The following CPQ variants were observed in gnomAD, a reference collection of about 807,000 sequenced individuals.
CPQ encodes Ser-Met dipeptidase.
In CPQ, 37 loss-of-function variants were observed where a neutral mutation model predicts 45.7. The observed-to-expected ratio is 0.81, with a 90% CI of 0.62 to 1.07. CPQ has a LOEUF of 1.07. CPQ is among the 50% of genes least tolerant of loss of function. CPQ has a pLI of 0.00. For synonymous variants in CPQ, 186 were observed against 205.8 expected, an observed-to-expected ratio of 0.90 and a Z score of 0.82; for missense variants, 537 against 572.9, an observed-to-expected ratio of 0.94 and a Z score of 0.64.
intron 5 of CPQ, among the ~76,000 whole-genome samples, chr8:96,990,825 C>G (rs1044037803): frequency 6.6e-6 from 1 of 152,146 alleles, no homozygotes. Context: ...CAGGTGACCC[C>G]TAGGAAAACC....
chr8:97,100,426 G>C (rs1294558808), intron 7 of CPQ, among the ~76,000 whole-genome samples: 1 of 152,148 alleles, frequency 6.6e-6, no homozygotes, highest in Non-Finnish European at 1.5e-5. Context: ...AAGTAACACA[G>C]GAGGTAATGA....
rs148019918 is a variant in CPQ at position 97,082,352 on chromosome 8, T to C, written c.1255+16142T>C. ...AAAAAATTCATCCTATCTGACCCGG[T>C]TGGAAAAGTTACAGTGACCCAGCCT... is the stretch of plus-strand genomic sequence containing the variant. On this transcript the variant is annotated intron_variant, in intron 7 of 7. Transcript: ENST00000220763. 4.8e-3 allele frequency among the ~76,000 whole-genome samples: 733 copies of C among 151,920 alleles called. 11 individuals are homozygous for C. Among genetic ancestry groups the C allele is most frequent in the African/African-American group, 0.017 (702 of 41,502 alleles).
At chr8:96,732,594 T>A (rs1809926383) in intron 1 of CPQ, among the ~76,000 whole-genome samples, 1 of 152,108 alleles carries the variant, frequency 6.6e-6, no homozygotes, top group Non-Finnish European at 1.5e-5. Context: ...AAGATTTCCA[T>A]TCTTAATAGA....
chr8:96,960,261 C>G (rs1209281462), intron 4 of CPQ, among the ~76,000 whole-genome samples: 1 of 152,036 alleles, frequency 6.6e-6, no homozygotes, highest in Non-Finnish European at 1.5e-5. Context: ...TATATTTGAT[C>G]TCTAGTTAGT....
At chr8:96,790,367 C>G (rs1485291990) in intron 2 of CPQ, among the ~76,000 whole-genome samples, 12 of 152,070 alleles carry the variant, frequency 7.9e-5, no homozygotes, top group Non-Finnish European at 1.2e-4. Flanking sequence ...GGACCACCTC[C>G]TATGAGTGAG....
In CPQ at chr8:96,755,628, T is replaced by G. The variant is rs577200768; in HGVS notation, c.-34-29236T>G. On this transcript the variant is annotated intron_variant, in intron 1 of 7. Coordinates refer to ENST00000220763, the MANE Select transcript of CPQ (RefSeq NM_016134.4). ...ATATTTTATGAAATATTTTAAAATT[T>G]ATAATCTTCAAAGGGCACAAAGTAT... 9.2e-5 allele frequency among the ~76,000 whole-genome samples: 14 copies of G among 151,968 alleles called. No homozygotes were observed. The South Asian group carries it at 2.9e-3, about 31-fold the overall frequency.
At chr8:96,953,362 G>A (rs539773604) in intron 4 of CPQ, among the ~76,000 whole-genome samples, 1 of 152,164 alleles carries the variant, frequency 6.6e-6, no homozygotes, top group South Asian at 2.1e-4. Flanking sequence ...CTGTTCCCTT[G>A]TGGGACTGCT....
chr8:96,946,453 C>CT (rs1813189754), intron 4 of CPQ, among the ~76,000 whole-genome samples: 1 of 107,518 alleles, frequency 9.3e-6, no homozygotes, highest in Non-Finnish European at 1.7e-5. Flanking sequence ...CTTTAATTTT[C>CT]TATTTTTTTA....
intron 7 of CPQ, among the ~76,000 whole-genome samples, chr8:97,123,947 C>A (rs957334289): frequency 2.0e-5 from 3 of 151,926 alleles, no homozygotes; most frequent in African/African-American, 7.3e-5. Context: ...ATAATCTATT[C>A]ATCAATAAGA....
At position 96,895,091 on chromosome 8, in the gene CPQ, T is replaced by C. The variant is rs557992425; in HGVS notation, c.849+15086T>C. On this transcript the variant is annotated intron_variant, in intron 4 of 7. Transcript: ENST00000220763. ...GATAGGCCCATAAAACAACCCTTTA[T>C]GGTTGCAAAAATCACTTTGCATCCC... 3.3e-5 allele frequency among the ~76,000 whole-genome samples: 5 copies of C among 152,284 alleles called. No individual in the cohort carries two copies. The South Asian group carries it at 8.3e-4, about 25-fold the overall frequency.
chr8:96,899,513 C>A (rs1046823910), intron 4 of CPQ, among the ~76,000 whole-genome samples: 1 of 152,082 alleles, frequency 6.6e-6, no homozygotes, highest in Non-Finnish European at 1.5e-5. Flanking sequence ...GACATCTGCT[C>A]GGCTTCTGGG....
At chr8:96,816,612 A>G (rs568787525) in intron 2 of CPQ, among the ~76,000 whole-genome samples, 11 of 152,288 alleles carry the variant, frequency 7.2e-5, no homozygotes, top group Admixed American at 1.3e-4. Context: ...AGGAATCACA[A>G]TCTATGGCAG....
At chr8:96,737,421 C>T (rs931580046) in intron 1 of CPQ, among the ~76,000 whole-genome samples, 19 of 148,322 alleles carry the variant, frequency 1.3e-4, no homozygotes, top group Non-Finnish European at 1.6e-4. Flanking sequence ...AATAGGCTGT[C>T]TGCAAGGGGA....
intron 6 of CPQ, among the ~76,000 whole-genome samples, chr8:97,065,512 T>G (rs1016613349): frequency 2.0e-5 from 3 of 152,154 alleles, no homozygotes; most frequent in Non-Finnish European, 4.4e-5. Context: ...ACCTGTCAGC[T>G]TGATGCCTTT....
chr8:96,878,910 T>C lies in CPQ; in HGVS notation c.642-888T>C, dbSNP rs577385427. 2.3e-3 allele frequency among the ~76,000 whole-genome samples: 347 copies of C among 152,326 alleles called. 2 individuals are homozygous for C. Among genetic ancestry groups the C allele is most frequent in the African/African-American group, 7.8e-3 (324 of 41,580 alleles). Reference sequence around the variant, plus strand: ...TTTAACAGAAGATAGGAATAGACTGTGGCACGCACTTGGAAGCTGTGACAG... The same window carrying C: ...TTTAACAGAAGATAGGAATAGACTGCGGCACGCACTTGGAAGCTGTGACAG... On this transcript the variant is annotated intron_variant, in intron 3 of 7. Coordinates refer to ENST00000220763, the MANE Select transcript of CPQ (RefSeq NM_016134.4).
chr8:96,696,452 T>TAAAAAAAAATTA lies in CPQ; in HGVS notation c.-35+51059_-35+51060insTTAAAAAAAAAA, dbSNP rs536986208. Among the ~76,000 whole-genome samples, 69 of 146,516 alleles carry TAAAAAAAAATTA rather than the reference T, an allele frequency of 4.7e-4. 1 individual carries two copies. The highest frequency in any genetic ancestry group is 1.7e-3 in the African/African-American group (67 of 39,954). On this transcript the variant is annotated intron_variant, in intron 1 of 7. Transcript: ENST00000220763. ...AACTTGAAGTATAATAATAATAAAT[T>TAAAAAAAAATTA]AAAAAAAAAGAACTAGAAAAGCAAG...
chr8:97,096,178 G>C (rs1811207842), intron 7 of CPQ, among the ~76,000 whole-genome samples: 1 of 152,064 alleles, frequency 6.6e-6, no homozygotes, highest in South Asian at 2.1e-4. Flanking sequence ...AATGGGTAAG[G>C]AAACTAACAC....
At chr8:96,948,956 C>T (rs993746044) in intron 4 of CPQ, among the ~76,000 whole-genome samples, 10 of 152,042 alleles carry the variant, frequency 6.6e-5, no homozygotes, top group Non-Finnish European at 8.8e-5. Context: ...AGGATAGCCA[C>T]CCATGCATTC....
intron 1 of CPQ, among the ~76,000 whole-genome samples, chr8:96,744,010 C>G (rs865916235): frequency 6.6e-6 from 1 of 152,210 alleles, no homozygotes; most frequent in Admixed American, 6.5e-5. Context: ...CCACCCAGTT[C>G]GAGCTTCCTG....
Sources: gnomAD v4.1 joint callset for allele counts (sites outside exome capture counted in the v4.1 genomes callset) on GRCh38, gnomAD v4.1.1 for gene constraint, MANE v1.5 for transcripts, NCBI Gene and HGNC (gene_info 2026-07-23, HGNC 2026-07-21) for gene names.